Variants in PROCR observed in about 807,000 individuals in gnomAD.
The protein encoded by PROCR is protein C receptor.
PROCR carries 22 observed loss-of-function variants against 24.2 expected under a neutral mutation model. That is an observed-to-expected ratio of 0.91 (90% CI 0.65 to 1.30). The LOEUF is 1.30. Ranked by LOEUF, PROCR falls within the 50% of genes most tolerant of loss-of-function variation. PROCR has a pLI of 0.00. For synonymous variants in PROCR, 137 were observed against 139.2 expected, an observed-to-expected ratio of 0.98 and a Z score of 0.11; for missense variants, 288 against 307.7, an observed-to-expected ratio of 0.94 and a Z score of 0.48.
Position 35,214,412 on chromosome 20 carries a change from C to T in PROCR, c.95-1481C>T, listed in dbSNP as rs549618664. On this transcript the variant is annotated intron_variant, in intron 1 of 1. Coordinates refer to the PROCR transcript ENST00000634509. ...TAAAAAATGGCTGCATTGGGCCGGG[C>T]GCGGTGGCTCACGCCTGTAATCCCA... 2.0e-3 allele frequency among the ~76,000 whole-genome samples: 301 copies of T among 152,170 alleles called. 1 individual carries two copies. Among genetic ancestry groups the T allele is most frequent in the African/African-American group, 6.9e-3 (288 of 41,512 alleles).
intron 1 of PROCR, among the ~76,000 whole-genome samples, chr20:35,208,909 C>A (rs1042199239): frequency 1.3e-5 from 2 of 151,804 alleles, no homozygotes; most frequent in Admixed American, 1.3e-4. Flanking sequence ...GAGGCGGAGG[C>A]TGTAGTGAGC....
chr20:35,171,464 G>A (rs2085949831), upstream of PROCR, among the ~76,000 whole-genome samples: 1 of 152,078 alleles, frequency 6.6e-6, no homozygotes, highest in Non-Finnish European at 1.5e-5. Context: ...GATTGCTTTA[G>A]GTAACCAATC....
chr20:35,205,333 A>G (rs899429899), intron 1 of PROCR, among the ~76,000 whole-genome samples: 4 of 151,746 alleles, frequency 2.6e-5, no homozygotes, highest in Non-Finnish European at 4.4e-5. Context: ...ACTAAGGAAG[A>G]AAAAAACACA....
At chr20:35,179,311 G>A (rs1476386121), downstream of PROCR, among the ~76,000 whole-genome samples, 2 of 151,648 alleles carry the variant, frequency 1.3e-5, no homozygotes, top group South Asian at 2.1e-4. Context: ...GGAGGCAGAG[G>A]CAGGAGGATT....
chr20:35,215,473 G>A (rs906188016), intron 1 of PROCR, among the ~76,000 whole-genome samples: 4 of 150,438 alleles, frequency 2.7e-5, no homozygotes, highest in South Asian at 2.1e-4. Flanking sequence ...TATTTGTCAC[G>A]CCTTTTATGT....
At chr20:35,176,120 C>A (rs377221446) in intron 2 of PROCR, 48 bp from the exon 3 acceptor site, 19 of 1,588,952 alleles carry the variant, frequency 1.2e-5, no homozygotes, top group Non-Finnish European at 1.6e-5. Context: ...CGCCCCACAC[C>A]TGGCACCCTC....
intron 1 of PROCR, among the ~76,000 whole-genome samples, chr20:35,209,550 G>A (rs932724747): frequency 2.6e-5 from 4 of 152,112 alleles, no homozygotes; most frequent in African/African-American, 9.7e-5. Context: ...AATAGAAAGA[G>A]TAGAAGGCTT....
intron 1 of PROCR, 61 bp downstream of exon 1, chr20:35,172,285 C>T (rs560624512): frequency 1.3e-6 from 2 of 1,571,490 alleles, no homozygotes; most frequent in African/African-American, 1.3e-5. Flanking sequence ...TCTATCTGGG[C>T]ACATGGCAAG....
intron 1 of PROCR, among the ~76,000 whole-genome samples, chr20:35,210,299 C>T (rs2060357156): frequency 6.6e-6 from 1 of 152,100 alleles, no homozygotes; most frequent in Admixed American, 6.6e-5. Flanking sequence ...AATATCAACA[C>T]TTTGGGAGGC....
intron 1 of PROCR, among the ~76,000 whole-genome samples, chr20:35,185,121 C>A (rs1238709017): frequency 6.7e-6 from 1 of 148,638 alleles, no homozygotes; most frequent in Non-Finnish European, 1.5e-5. Context: ...AAATAGCCAA[C>A]AAACATGAAA....
At chr20:35,202,088 A>G (rs944599874) in intron 1 of PROCR, 1 of 152,212 alleles carries the variant, frequency 6.6e-6, no homozygotes, top group Non-Finnish European at 1.5e-5. Context: ...AAAACACTCT[A>G]CCCAAGAACA....
At chr20:35,197,832 AAAAAGAAAAG>A (rs1187691915) in intron 1 of PROCR, among the ~76,000 whole-genome samples, 1 of 151,666 alleles carries the variant, frequency 6.6e-6, no homozygotes, top group Admixed American at 6.6e-5. Flanking sequence ...AAAAAAAAAA[AAAAAGAAAAG>A]AAGAGTCACA....
intron 2 of PROCR, among the ~76,000 whole-genome samples, chr20:35,175,908 T>C (rs1406883653): frequency 6.6e-6 from 1 of 151,672 alleles, no homozygotes; most frequent in Non-Finnish European, 1.5e-5. Context: ...TGTTTTTTTT[T>C]TCTATTACAG....
At chr20:35,214,214 A>T (rs892814558) in intron 1 of PROCR, among the ~76,000 whole-genome samples, 13 of 152,218 alleles carry the variant, frequency 8.5e-5, no homozygotes, top group South Asian at 2.1e-4. Context: ...TCCCTATTTT[A>T]TGTGTAAATG....
intron 2 of PROCR, among the ~76,000 whole-genome samples, chr20:35,175,407 A>G (rs1249164288): frequency 7.2e-5 from 10 of 139,708 alleles, no homozygotes; most frequent in Non-Finnish European, 1.2e-4. Context: ...TCTTCCCCCA[A>G]AGACCCCAAG....
At chr20:35,203,554 T>C (rs2060326853) in intron 1 of PROCR, among the ~76,000 whole-genome samples, 1 of 151,448 alleles carries the variant, frequency 6.6e-6, no homozygotes, top group Admixed American at 6.6e-5. Context: ...GAGGTGGAGG[T>C]TGCAGTGAGC....
At chr20:35,212,914 C>T (rs916990993) in intron 1 of PROCR, among the ~76,000 whole-genome samples, 4 of 152,232 alleles carry the variant, frequency 2.6e-5, no homozygotes, top group African/African-American at 9.6e-5. Context: ...CCCTCTTTAA[C>T]ACTCTGTAGT....
intron 1 of PROCR, among the ~76,000 whole-genome samples, chr20:35,213,592 ATAAGCC>A (rs1461153908): frequency 1.3e-5 from 2 of 152,310 alleles, no homozygotes; most frequent in African/African-American, 4.8e-5. Context: ...ATTTTGCAAT[ATAAGCC>A]CTCTTTTCAG....
In PROCR at chr20:35,183,063, T is replaced by C. The variant is rs1347008967; in HGVS notation, c.94+6617T>C. Among the ~76,000 whole-genome samples, 7 of 152,260 alleles carry C rather than the reference T, an allele frequency of 4.6e-5. No individual in the cohort carries two copies. In the East Asian group the frequency reaches 1.4e-3, roughly 29 times the overall value. On this transcript the variant is annotated intron_variant, in intron 1 of 1. Transcript: ENST00000634509. ...CTTGTAGCTATCATTTACATATTGC[T>C]ATATAGTTTTTGGAATTCTGTAACT...
Sources: allele counts gnomAD v4.1 joint callset (sites outside exome capture counted in the v4.1 genomes callset), GRCh38; gene constraint gnomAD v4.1.1; transcripts MANE v1.5; gene names NCBI Gene and HGNC (gene_info 2026-07-23, HGNC 2026-07-21).